CFAP46: variants seen among roughly 807,000 people sequenced by gnomAD.
CFAP46 encodes cilia and flagella associated protein 46, also known as cilia- and flagella-associated protein 46.
A neutral mutation model predicts 325.7 loss-of-function variants in CFAP46; 245 were observed. That is an observed-to-expected ratio of 0.75 (90% CI 0.68 to 0.84). The LOEUF is 0.84. CFAP46 is among the 40% of genes least tolerant of loss of function. CFAP46 has a pLI of 0.00. For missense variants in CFAP46, 3,346 were observed against 3,543.0 expected, an observed-to-expected ratio of 0.94 and a Z score of 1.41; for synonymous variants, 1,523 against 1,495.9, an observed-to-expected ratio of 1.02 and a Z score of -0.42.
At chr10:132,898,072 G>A (rs1849341940) in intron 24 of CFAP46, among the ~76,000 whole-genome samples, 1 of 152,226 alleles carries the variant, frequency 6.6e-6, no homozygotes, top group Non-Finnish European at 1.5e-5. Flanking sequence ...TGGGTTCTCT[G>A]TGGCTGACTC....
At chr10:132,878,859 G>A (rs377318502) in intron 29 of CFAP46, among the ~76,000 whole-genome samples, 10 of 152,356 alleles carry the variant, frequency 6.6e-5, no homozygotes, top group African/African-American at 1.4e-4. Flanking sequence ...CCCTGCTGGG[G>A]TGTAGCCTGC....
chr10:132,845,075 C>T (rs1336598830), intron 44 of CFAP46, among the ~76,000 whole-genome samples: 4 of 152,218 alleles, frequency 2.6e-5, no homozygotes, highest in South Asian at 4.1e-4. Flanking sequence ...CCCCAACGCC[C>T]AGCTTAGCCC....
chr10:132,823,412 G>A (rs1847936304), intron 50 of CFAP46, among the ~76,000 whole-genome samples: 1 of 139,488 alleles, frequency 7.2e-6, no homozygotes, highest in African/African-American at 2.8e-5. Context: ...TGTGTGCTGT[G>A]TGCTGTGTGA....
chr10:132,835,480 A>T, intron 46 of CFAP46, 46 bp from the exon 47 acceptor site: 1 of 1,610,484 alleles, frequency 6.2e-7, no homozygotes, highest in Non-Finnish European at 8.5e-7. Flanking sequence ...AGGGCTGAGG[A>T]TGGCAGCTGG....
chr10:132,886,712 G>A lies in CFAP46; in HGVS notation c.3305-753C>T, dbSNP rs773834078. Among the ~76,000 whole-genome samples the A allele has an allele frequency of 5.9e-5, 9 of 152,104 alleles. No individual in the cohort carries two copies. The highest frequency in any genetic ancestry group is 1.0e-4 in the Non-Finnish European group (7 of 68,000). ...AACCCAGCCCACTCTGCCACCTTCC[G>A]GCCAAGAGTCCTTTTACCTCAAGGA... On this transcript the variant is annotated intron_variant, in intron 25 of 57. Coordinates refer to ENST00000368586, the MANE Select transcript of CFAP46 (RefSeq NM_001200049.3). The surrounding 1 kb of genome is among the most constrained non-coding windows in gnomAD (Gnocchi z 5.8).
At chr10:132,941,795 C>G in intron 2 of CFAP46, 73 bp from the exon 3 acceptor site, 3 of 1,592,098 alleles carry the variant, frequency 1.9e-6, no homozygotes, top group Non-Finnish European at 2.6e-6. Context: ...CACCACGGGC[C>G]CGCTTTCAGA....
At position 132,899,581 on chromosome 10, in the gene CFAP46, T is replaced by TC. The variant is rs1849366004; in HGVS notation, c.3009dup (p.Lys1004GlufsTer101). On this transcript the variant is annotated frameshift_variant, in exon 23 of 58. Transcript: ENST00000368586. LOFTEE classifies it high-confidence loss of function. ...TTGGCTGCCACCAGTCGCAGCTGCT[T>TC]CCGGCCCTTCAGGTTTTCCATGATG... The TC allele has an allele frequency of 6.5e-7, 1 of 1,549,754 alleles. No individual in the cohort carries two copies. Among genetic ancestry groups the TC allele is most frequent in the Non-Finnish European group, 8.7e-7 (1 of 1,146,946 alleles).
intron 11 of CFAP46, 90 bp from the exon 12 acceptor site, chr10:132,922,798 C>T (rs1849748090): frequency 1.9e-6 from 2 of 1,054,522 alleles, no homozygotes; most frequent in South Asian, 3.0e-5. Flanking sequence ...CCTGCAGTGG[C>T]CCCAGAGTGT....
At position 132,832,672 on chromosome 10, in the gene CFAP46, A is replaced by C; in HGVS notation, c.7117+686T>G. Reference sequence around the variant, plus strand: ...AGTGCAGAAAACTGCACGTACCGCAAGGGTAGCGCTCGGGGAAGCTTCACA... The same window carrying C: ...AGTGCAGAAAACTGCACGTACCGCACGGGTAGCGCTCGGGGAAGCTTCACA... On this transcript the variant is annotated intron_variant, in intron 50 of 57. Transcript: ENST00000368586. This position sits in a 1 kb window ranked among gnomAD's most constrained non-coding sequence, Gnocchi z 4.1. 1 of 436,794 alleles carries C rather than the reference A, an allele frequency of 2.3e-6. No homozygotes were observed. The highest frequency in any genetic ancestry group is 5.0e-6 in the Non-Finnish European group (1 of 201,982). The allele number at this position is 436,794 out of a possible 1,614,324, so 27.1% of individuals were successfully genotyped here.
intron 9 of CFAP46, among the ~76,000 whole-genome samples, chr10:132,927,039 G>A (rs1302419964): frequency 6.6e-6 from 1 of 152,210 alleles, no homozygotes; most frequent in Non-Finnish European, 1.5e-5. Context: ...GGGAAGAAGG[G>A]CACTCTACCT....
intron 44 of CFAP46, chr10:132,837,125 G>A (rs572753108): frequency 6.6e-5 from 33 of 502,908 alleles, no homozygotes; most frequent in African/African-American, 2.0e-4. Context: ...AAGAGTCACC[G>A]GCGGCCCCAA....
At chr10:132,825,137 TGTGGTGATGTGTGCTGTGTGTGCA>T (rs1254379391) in intron 50 of CFAP46, among the ~76,000 whole-genome samples, 8 of 144,766 alleles carry the variant, frequency 5.5e-5, no homozygotes, top group African/African-American at 2.2e-4. Flanking sequence ...GTGCTGTGTG[TGTGGTGATGTGTGCTGTGTGTGCA>T]GTGATGTGTG....
chr10:132,867,870 C>T (rs1308675971), intron 33 of CFAP46, among the ~76,000 whole-genome samples: 2 of 152,222 alleles, frequency 1.3e-5, no homozygotes, highest in African/African-American at 2.4e-5. Flanking sequence ...TGGGCTCCTG[C>T]TCCCCGCTCG....
intron 39 of CFAP46, 74 bp downstream of exon 39, chr10:132,857,516 A>G (rs1848659164): frequency 1.4e-6 from 2 of 1,453,194 alleles, no homozygotes; most frequent in African/African-American, 2.9e-5. Flanking sequence ...GCTGGCTTGT[A>G]AGGTAAGTTA....
intron 7 of CFAP46, among the ~76,000 whole-genome samples, chr10:132,935,938 G>A (rs139732792): frequency 1.0e-4 from 9 of 86,260 alleles, no homozygotes; most frequent in Admixed American, 2.6e-4. Flanking sequence ...CACTCCCCTC[G>A]GCACCCAAAC....
chr10:132,910,174 C>T lies in CFAP46; in HGVS notation c.2500-106G>A, dbSNP rs12244639. 3,793 of 1,133,032 alleles carry T rather than the reference C, an allele frequency of 3.3e-3. 69 individuals are homozygous for T. In the African/African-American group the frequency reaches 0.047, roughly 14 times the overall value. The allele number at this position is 1,133,032 out of a possible 1,614,324, so 70.2% of individuals were successfully genotyped here. On this transcript the variant is annotated intron_variant, in intron 19 of 57. Coordinates refer to ENST00000368586, the MANE Select transcript of CFAP46 (RefSeq NM_001200049.3). ...GGATGGAGCCCGCTCCTGATCCAGC[C>T]CGTGAAGGGCCTTAAACACGAGACC...
At chr10:132,837,883 G>A (rs1408011852) in intron 44 of CFAP46, among the ~76,000 whole-genome samples, 5 of 136,056 alleles carry the variant, frequency 3.7e-5, no homozygotes, top group South Asian at 2.4e-4. Flanking sequence ...ACACAGACAT[G>A]CACGGACACA....
intron 13 of CFAP46, among the ~76,000 whole-genome samples, chr10:132,920,548 C>T (rs1191762271): frequency 6.6e-6 from 1 of 152,232 alleles, no homozygotes; most frequent in African/African-American, 2.4e-5. Context: ...TGCGTAGCAC[C>T]CCAAGTCCCA....
chr10:132,901,974 A>T (rs919732777), intron 22 of CFAP46, among the ~76,000 whole-genome samples: 1 of 152,104 alleles, frequency 6.6e-6, no homozygotes, highest in Non-Finnish European at 1.5e-5. Context: ...GTTTTCCTGT[A>T]TGCACAAATC....
Sources: allele counts gnomAD v4.1 joint callset (sites outside exome capture counted in the v4.1 genomes callset), GRCh38; gene constraint gnomAD v4.1.1; non-coding constraint Gnocchi (gnomAD v3.1); transcripts MANE v1.5; gene names NCBI Gene and HGNC (gene_info 2026-07-23, HGNC 2026-07-21).